Variants in STAU2 observed in about 807,000 individuals in gnomAD.
STAU2 encodes staufen double-stranded RNA binding protein 2.
In STAU2, 20 loss-of-function variants were observed where a neutral mutation model predicts 65.9. That is an observed-to-expected ratio of 0.30 (90% CI 0.21 to 0.44). The LOEUF (loss-of-function observed/expected upper bound fraction) is 0.44. Among genes scored for constraint, STAU2 ranks in the 20% least tolerant of loss-of-function variants. The pLI, the probability that STAU2 is intolerant of heterozygous loss-of-function variation, is 1.00. For missense variants in STAU2, 558 were observed against 683.9 expected, an observed-to-expected ratio of 0.82 and a Z score of 2.05; for synonymous variants, 232 against 233.9, an observed-to-expected ratio of 0.99 and a Z score of 0.07.
chr8:73,527,786 G>A (rs1764000436), intron 13 of STAU2: 1 of 1,536,528 alleles, frequency 6.5e-7, no homozygotes, highest in Non-Finnish European at 8.7e-7. Context: ...TTGCCACTTT[G>A]TCTATCACAG....
At chr8:73,569,978 G>A (rs1312111414) in intron 12 of STAU2, among the ~76,000 whole-genome samples, 4 of 152,208 alleles carry the variant, frequency 2.6e-5, no homozygotes, top group African/African-American at 9.6e-5. Flanking sequence ...TACAAGTTGA[G>A]AGAAGAAGGC....
intron 6 of STAU2, among the ~76,000 whole-genome samples, chr8:73,661,655 C>T (rs1004452666): frequency 2.0e-5 from 3 of 152,184 alleles, no homozygotes; most frequent in Admixed American, 6.5e-5. Context: ...GGATTAGTTT[C>T]GCCTATTCTA....
intron 13 of STAU2, among the ~76,000 whole-genome samples, chr8:73,547,746 T>C (rs1807033341): frequency 6.6e-6 from 1 of 152,216 alleles, no homozygotes. Flanking sequence ...TAATTTATTA[T>C]GGTTTTATAC....
chr8:73,446,692 C>T (rs1818486938), intron 13 of STAU2, among the ~76,000 whole-genome samples: 1 of 152,084 alleles, frequency 6.6e-6, no homozygotes, highest in African/African-American at 2.4e-5. Flanking sequence ...CCAGGCTAGT[C>T]TCGAACTCCT....
chr8:73,693,355 G>C (rs1284583191), intron 4 of STAU2, among the ~76,000 whole-genome samples: 15 of 151,778 alleles, frequency 9.9e-5, no homozygotes, highest in Non-Finnish European at 1.8e-4. Context: ...GGTGCCTGTA[G>C]TCCCAGCTAC....
intron 6 of STAU2, among the ~76,000 whole-genome samples, chr8:73,627,714 T>C (rs1470459242): frequency 6.6e-6 from 1 of 151,226 alleles, no homozygotes; most frequent in Non-Finnish European, 1.5e-5. Flanking sequence ...TATTTCTTAC[T>C]TGAATGGGAA....
chr8:73,592,474 A>G (rs976849812), intron 11 of STAU2, among the ~76,000 whole-genome samples: 4 of 152,070 alleles, frequency 2.6e-5, no homozygotes, highest in Admixed American at 2.6e-4. Context: ...AACCCTATCT[A>G]TTTTTAAAAT....
rs183270148 is a variant in STAU2, at chr8:73,683,701, T to C, written c.274+4953A>G. Among the ~76,000 whole-genome samples, 61 of 152,228 alleles carry C rather than the reference T, an allele frequency of 4.0e-4. 1 individual carries two copies. The highest frequency in any genetic ancestry group is 3.5e-3 in the Admixed American group (54 of 15,280). ...TTTGCTGATGATATGATCGTATACC[T>C]AGAAAACCCTAAAGACTCAACCAAA... On this transcript the variant is annotated intron_variant, in intron 5 of 14. Transcript: ENST00000524300.
intron 13 of STAU2, among the ~76,000 whole-genome samples, chr8:73,483,494 T>C (rs1360735633): frequency 6.7e-6 from 1 of 148,648 alleles, no homozygotes; most frequent in African/African-American, 2.5e-5. Flanking sequence ...TGAAATCTTA[T>C]ATTTCAGTAA....
At chr8:73,432,748 CCA>C (rs1467295227) in intron 13 of STAU2, among the ~76,000 whole-genome samples, 1 of 152,138 alleles carries the variant, frequency 6.6e-6, no homozygotes, top group Middle Eastern at 3.2e-3. Context: ...ATTCATGCTT[CCA>C]CGATCCTATC....
At chr8:73,594,814 A>G (rs1032315906) in intron 11 of STAU2, among the ~76,000 whole-genome samples, 5 of 152,206 alleles carry the variant, frequency 3.3e-5, no homozygotes, top group African/African-American at 1.2e-4. Flanking sequence ...CAGTGTTTTC[A>G]GCTGTATTCC....
At chr8:73,567,414 G>C (rs923451301) in intron 12 of STAU2, among the ~76,000 whole-genome samples, 7 of 152,150 alleles carry the variant, frequency 4.6e-5, no homozygotes, top group Non-Finnish European at 7.3e-5. Flanking sequence ...GGCTGAGGCA[G>C]AAGAATCACT....
intron 6 of STAU2, among the ~76,000 whole-genome samples, chr8:73,657,298 TAC>T (rs1194355794): frequency 2.0e-5 from 3 of 152,180 alleles, no homozygotes; most frequent in African/African-American, 7.2e-5. Flanking sequence ...GTGGAGATAT[TAC>T]AGTCTCAAAT....
upstream of STAU2, chr8:73,747,232 TCCTCGTCCCCGGCGCGACTCCCCGCCC>T (rs1807352318): frequency 5.8e-6 from 5 of 861,286 alleles, no homozygotes; most frequent in East Asian, 6.2e-5. Flanking sequence ...GTCCGCAGTC[TCCTCGTCCCCGGCGCGACTCCCCGCCC>T]CCTCGTCTGC....
chr8:73,609,375 C>T (rs745666702), intron 9 of STAU2, among the ~76,000 whole-genome samples: 3 of 151,870 alleles, frequency 2.0e-5, no homozygotes, highest in African/African-American at 4.8e-5. Context: ...AATAAAGGGC[C>T]GGGCGCGGTG....
At chr8:73,428,663 A>C (rs1817023765) in intron 13 of STAU2, among the ~76,000 whole-genome samples, 1 of 152,172 alleles carries the variant, frequency 6.6e-6, no homozygotes, top group Non-Finnish European at 1.5e-5. Context: ...AAATCTTTTA[A>C]AAAATCGTTT....
chr8:73,457,377 G>A (rs988536374), intron 13 of STAU2, among the ~76,000 whole-genome samples: 1 of 152,172 alleles, frequency 6.6e-6, no homozygotes, highest in Non-Finnish European at 1.5e-5. Context: ...GGCCAACAAG[G>A]CTGCCCCCAG....
intron 12 of STAU2, among the ~76,000 whole-genome samples, chr8:73,560,783 C>A (rs1329991109): frequency 6.6e-6 from 1 of 152,074 alleles, no homozygotes; most frequent in Non-Finnish European, 1.5e-5. Flanking sequence ...ACAGAAATAA[C>A]AGCAATAAAG....
chr8:73,525,308 C>G (rs896979066), intron 13 of STAU2, among the ~76,000 whole-genome samples: 2 of 152,198 alleles, frequency 1.3e-5, no homozygotes, highest in African/African-American at 4.8e-5. Flanking sequence ...AGTGAGACCA[C>G]TATGTACAGT....
Sources: gnomAD v4.1 joint callset for allele counts (sites outside exome capture counted in the v4.1 genomes callset) on GRCh38, gnomAD v4.1.1 for gene constraint, MANE v1.5 for transcripts, NCBI Gene and HGNC (gene_info 2026-07-23, HGNC 2026-07-21) for gene names.